KIF20A: variants seen among roughly 807,000 people sequenced by gnomAD.
The protein encoded by KIF20A is kinesin-like protein KIF20A.
Under a neutral mutation model 113.0 loss-of-function variants are expected in KIF20A, and 66 were observed. The ratio of observed to expected loss-of-function variants is 0.58; its 90% CI spans 0.48 to 0.72. The LOEUF (loss-of-function observed/expected upper bound fraction) is 0.72, where lower values mean the gene tolerates loss of function less well. KIF20A is among the 30% of genes least tolerant of loss of function. The pLI, the probability that KIF20A is intolerant of heterozygous loss-of-function variation, is 0.00. For synonymous variants in KIF20A, 376 were observed against 402.3 expected (o/e 0.93, Z 0.78); for missense variants, 927 against 1,077.6 (o/e 0.86, Z 1.96).
At chr5:138,182,514 T>G in intron 5 of KIF20A, 53 bp downstream of exon 5, 1 of 1,612,366 alleles carries the variant, frequency 6.2e-7, no homozygotes, top group Non-Finnish European at 8.5e-7. Flanking sequence ...GGTGTTGTTT[T>G]TACCTTTTGA....
intron 18 of KIF20A, among the ~76,000 whole-genome samples, chr5:138,186,659 G>A (rs949053457): frequency 6.6e-6 from 1 of 152,198 alleles, no homozygotes; most frequent in South Asian, 2.1e-4. Context: ...CCTTAGGGAG[G>A]TAGTTACTGT....
rs755421116 is a variant in KIF20A at position 138,185,388 on chromosome 5, G to A, written c.1927-124G>A. The A allele has an allele frequency of 2.3e-4, 215 of 954,818 alleles. 1 individual carries two copies. The highest frequency in any genetic ancestry group is 3.1e-4 in the Non-Finnish European group (195 of 619,176). 59.1% of individuals were successfully genotyped at this position (954,818 alleles called of 1,614,324 possible). On this transcript the variant is annotated intron_variant, in intron 15 of 18. Coordinates refer to ENST00000394894, the MANE Select transcript of KIF20A (RefSeq NM_005733.3). The stretch of plus-strand genomic sequence containing the variant: ...TAAGGGTTTAGTTGGCCAGGAAATC[G>A]TATTAAGTGCTAACAACAGGTTTTC...
In KIF20A at chr5:138,184,627, TTGA is replaced by T. The variant is rs1374572039; in HGVS notation, c.1642_1644del (p.Asp548del). The T allele has an allele frequency of 4.3e-6, 7 of 1,614,148 alleles. No individual in the cohort carries two copies. The East Asian group carries it at 1.1e-4, about 26-fold the overall frequency. Reference sequence around the variant, plus strand: ...AAAGGGGCTAAGGCAGACACAGGCCTTGATGATGATATTGAAAATGAAGCTGAC... The same window carrying T: ...AAAGGGGCTAAGGCAGACACAGGCCTTGATGATATTGAAAATGAAGCTGAC... On this transcript the variant is annotated inframe_deletion, in exon 13 of 19. Coordinates refer to ENST00000394894, the MANE Select transcript of KIF20A (RefSeq NM_005733.3).
chr5:138,180,471 C>T (rs936893039), intron 2 of KIF20A, among the ~76,000 whole-genome samples: 1 of 152,112 alleles, frequency 6.6e-6, no homozygotes, highest in African/African-American at 2.4e-5. Context: ...GTGGAAATGA[C>T]CCTGGTTGAG....
Position 138,185,282 on chromosome 5 carries a change from C to T in KIF20A, c.1926+85C>T, listed in dbSNP as rs1754726115. The T allele has an allele frequency of 2.8e-5, 26 of 939,262 alleles. No homozygotes were observed. The East Asian group carries it at 6.2e-4, about 22-fold the overall frequency. 58.2% of individuals were successfully genotyped at this position (939,262 alleles called of 1,614,324 possible). ...AAGTAAAGAGATTTTATAAACTACT[C>T]CAGTAAGGGCAGGAATATATAACTC... On this transcript the variant is annotated intron_variant, in intron 15 of 18. Coordinates refer to ENST00000394894, the MANE Select transcript of KIF20A (RefSeq NM_005733.3).
At chr5:138,180,683 T>C (rs1294816413) in intron 2 of KIF20A, among the ~76,000 whole-genome samples, 1 of 151,688 alleles carries the variant, frequency 6.6e-6, no homozygotes, top group Non-Finnish European at 1.5e-5. Context: ...TTTTTGGGTT[T>C]TTTTGTTTTC....
intron 1 of KIF20A, 189 bp downstream of exon 1, chr5:138,179,391 G>C (rs1754594134): frequency 2.6e-6 from 1 of 389,188 alleles, no homozygotes; most frequent in Non-Finnish European, 4.8e-6. Context: ...ACCGGCGGGC[G>C]AGGTGCCCTA....
rs1304366855 is a variant in KIF20A at position 138,184,639 on chromosome 5, T to C, written c.1646T>C (p.Ile549Thr). 3 of 1,614,144 alleles carry C rather than the reference T, an allele frequency of 1.9e-6. No individual in the cohort carries two copies. The South Asian group carries it at 3.3e-5, about 18-fold the overall frequency. Residue 549 changes from isoleucine (I) to threonine (T), a missense_variant, in exon 13 of 19, where the codon ATT (isoleucine) becomes ACT (threonine). Ile to Thr is a moderately conservative substitution (Grantham distance 89, BLOSUM62 -1). Coordinates refer to ENST00000394894, the MANE Select transcript of KIF20A (RefSeq NM_005733.3). The part of the protein sequence containing the change: ...AKADTGLDDD[I>T]ENEADISMYG... Reference sequence around the variant, plus strand: ...GCAGACACAGGCCTTGATGATGATATTGAAAATGAAGCTGACATCTCCATG... The same window carrying C: ...GCAGACACAGGCCTTGATGATGATACTGAAAATGAAGCTGACATCTCCATG...
Position 138,181,520 on chromosome 5 carries a change from CT to C in KIF20A, c.255+10del. On this transcript the variant is annotated intron_variant, in intron 3 of 18. Transcript: ENST00000394894. ...AACGACAGGAAGATCAGGTAAGTGT[CT>C]GAGAAGGGAGGATTCAAGGTGAAAT... The C allele has an allele frequency of 6.2e-7, 1 of 1,614,032 alleles. No individual in the cohort carries two copies. Among genetic ancestry groups the C allele is most frequent in the Non-Finnish European group, 8.5e-7 (1 of 1,179,918 alleles).
In KIF20A at chr5:138,187,583, ATGT is replaced by A. The variant is rs753518254; in HGVS notation, c.*178_*180del. The A allele has an allele frequency of 7.8e-5, 40 of 512,556 alleles. No individual in the cohort carries two copies. In the Admixed American group the frequency reaches 9.0e-4, roughly 12 times the overall value. 31.8% of individuals were successfully genotyped at this position (512,556 alleles called of 1,614,324 possible). ...GTATTATAACCACCTATGTAATCTC[ATGT>A]TGTTGTTTTTTTTTATTTACTTATA... On this transcript the variant is annotated 3_prime_UTR_variant, in exon 19 of 19. Coordinates refer to ENST00000394894, the MANE Select transcript of KIF20A (RefSeq NM_005733.3).
Position 138,185,894 on chromosome 5 carries a change from G to A in KIF20A, c.2126-67G>A. On this transcript the variant is annotated intron_variant, in intron 16 of 18. Coordinates refer to ENST00000394894, the MANE Select transcript of KIF20A (RefSeq NM_005733.3). Reference sequence around the variant, plus strand: ...TTTGCTGCAAGCTACTGTTACCTCAGTTAAAGAGGTTAGTCCAAGGCTAAA... The same window carrying A: ...TTTGCTGCAAGCTACTGTTACCTCAATTAAAGAGGTTAGTCCAAGGCTAAA... 9 of 1,425,002 alleles carry A rather than the reference G, an allele frequency of 6.3e-6. No individual in the cohort carries two copies. In the South Asian group the frequency reaches 1.1e-4, roughly 17 times the overall value. The allele number at this position is 1,425,002 out of a possible 1,614,324, so 88.3% of individuals were successfully genotyped here.
rs534233309 is a variant in KIF20A at position 138,187,655 on chromosome 5, G to T, written c.*242G>T. 4.2e-4 allele frequency: 146 copies of T among 344,918 alleles called. 1 individual carries two copies. Among genetic ancestry groups the T allele is most frequent in the Middle Eastern group, 2.5e-3 (3 of 1,218 alleles). The allele number at this position is 344,918 out of a possible 1,614,324, so 21.4% of individuals were successfully genotyped here. ...AAACAGTTATATTAAAGATATTATTGTTCACATTTTTTATTGAATTCCAAA... is the reference window on the plus strand; with the variant it reads ...AAACAGTTATATTAAAGATATTATTTTTCACATTTTTTATTGAATTCCAAA... On this transcript the variant is annotated 3_prime_UTR_variant, in exon 19 of 19. Transcript: ENST00000394894.
In KIF20A at chr5:138,182,784, G is replaced by T. The variant is rs1754681975; in HGVS notation, c.702+11G>T. The T allele has an allele frequency of 1.9e-6, 3 of 1,613,540 alleles. No individual in the cohort carries two copies. The highest frequency in any genetic ancestry group is 2.5e-6 in the Non-Finnish European group (3 of 1,179,958). On this transcript the variant is annotated intron_variant, in intron 6 of 18. Transcript: ENST00000394894. ...GGAGGCCTCCAAGAGGTAAAGCATTGGTATCCATGGCAGTGGGGGTAGGGG... is the reference window on the plus strand; with the variant it reads ...GGAGGCCTCCAAGAGGTAAAGCATTTGTATCCATGGCAGTGGGGGTAGGGG...
chr5:138,185,908 T>C, intron 16 of KIF20A, 53 bp from the exon 17 acceptor site: 1 of 1,523,140 alleles, frequency 6.6e-7, no homozygotes, highest in Non-Finnish European at 9.1e-7. Flanking sequence ...AAGAGGTTAG[T>C]CCAAGGCTAA....
chr5:138,182,880 TGAAGA>T lies in KIF20A; in HGVS notation c.724_728del (p.Lys242GlufsTer31). The T allele has an allele frequency of 1.2e-6, 2 of 1,614,160 alleles. No individual in the cohort carries two copies. Among genetic ancestry groups the T allele is most frequent in the Non-Finnish European group, 8.5e-7 (1 of 1,180,020 alleles). On this transcript the variant is annotated frameshift_variant, in exon 7 of 19. Transcript: ENST00000394894. LOFTEE classifies it high-confidence loss of function. Reference sequence around the variant, plus strand: ...CTCCAGGAGGAGCTGTCCACTTCCTTGAAGAGGAGTGTCTACATCGAAAGTCGGAT... The same window carrying T: ...CTCCAGGAGGAGCTGTCCACTTCCTTGGAGTGTCTACATCGAAAGTCGGAT...
chr5:138,183,485 A>C lies in KIF20A; in HGVS notation c.1043A>C (p.His348Pro). The change falls in exon 9 of 19, where the codon CAT becomes CCT. Residue 348 changes from histidine to proline, a missense_variant. Physicochemically the swap from His to Pro is moderately conservative, Grantham distance 77. Coordinates refer to ENST00000394894, the MANE Select transcript of KIF20A (RefSeq NM_005733.3). This position sits in a 1 kb window ranked among gnomAD's most constrained non-coding sequence, Gnocchi z 5.2. Reference protein sequence around the residue: ...NPYVKDLNWIHVQDAEEAWKL... With the variant: ...NPYVKDLNWIPVQDAEEAWKL... ...TTGGCCCCAGATCTCAACTGGATTCATGTGCAAGATGCTGAGGAGGCCTGG... is the reference window on the plus strand; with the variant it reads ...TTGGCCCCAGATCTCAACTGGATTCCTGTGCAAGATGCTGAGGAGGCCTGG... 4 of 1,614,154 alleles carry C rather than the reference A, an allele frequency of 2.5e-6. No individual in the cohort carries two copies. The highest frequency in any genetic ancestry group is 3.4e-6 in the Non-Finnish European group (4 of 1,180,008).
chr5:138,182,858 CAGG>C lies in KIF20A; in HGVS notation c.706_708del (p.Glu236del), dbSNP rs763809159. Reference sequence around the variant, plus strand: ...TGCTTACCTTCTCCCTGTGCCCCTCCAGGAGGAGCTGTCCACTTCCTTGAAGAG... The same window carrying C: ...TGCTTACCTTCTCCCTGTGCCCCTCCAGGAGCTGTCCACTTCCTTGAAGAG... On this transcript the variant is annotated splice_acceptor_variant and coding_sequence_variant, in exon 7 of 19. Coordinates refer to ENST00000394894, the MANE Select transcript of KIF20A (RefSeq NM_005733.3). LOFTEE classifies it high-confidence loss of function. 4 of 1,614,102 alleles carry C rather than the reference CAGG, an allele frequency of 2.5e-6. No individual in the cohort carries two copies. The South Asian group carries it at 3.3e-5, about 13-fold the overall frequency.
Position 138,183,183 on chromosome 5 carries a change from T to C in KIF20A, c.847T>C (p.Trp283Arg), listed in dbSNP as rs776616831. 4 of 1,614,118 alleles carry C rather than the reference T, an allele frequency of 2.5e-6. No homozygotes were observed. The highest frequency in any genetic ancestry group is 3.4e-6 in the Non-Finnish European group (4 of 1,179,972). ...TTCTTCTCCAGAAACAAGTCATCGA[T>C]GGGCACAGCCAGACACTGCCCCACT... ...SSQLDETSHR[W>R]AQPDTAPLPV... The change falls in exon 8 of 19, where the codon TGG (tryptophan) becomes CGG (arginine). Residue 283 changes from tryptophan (W) to arginine (R), a missense_variant. Coordinates refer to ENST00000394894, the MANE Select transcript of KIF20A (RefSeq NM_005733.3). The surrounding 1 kb of genome is among the most constrained non-coding windows in gnomAD (Gnocchi z 5.2).
In KIF20A at chr5:138,184,509, T is replaced by C; in HGVS notation, c.1519-3T>C. 6.2e-7 allele frequency: 1 copy of C among 1,612,514 alleles called. No homozygotes were observed. The highest frequency in any genetic ancestry group is 8.5e-7 in the Non-Finnish European group (1 of 1,178,618). On this transcript the variant is annotated splice_polypyrimidine_tract_variant and splice_region_variant and intron_variant, in intron 12 of 18. Coordinates refer to ENST00000394894, the MANE Select transcript of KIF20A (RefSeq NM_005733.3). ...TCAAGTAAGATATTTTTTTTCCCTCTAGCTTGTGCATGCCCCACCTATGCA... is the reference window on the plus strand; with the variant it reads ...TCAAGTAAGATATTTTTTTTCCCTCCAGCTTGTGCATGCCCCACCTATGCA...
Sources: allele counts gnomAD v4.1 joint callset (sites outside exome capture counted in the v4.1 genomes callset), GRCh38; gene constraint gnomAD v4.1.1; non-coding constraint Gnocchi (gnomAD v3.1); transcripts MANE v1.5; gene names NCBI Gene and HGNC (gene_info 2026-07-23, HGNC 2026-07-21).